Variants in GRM5 observed in about 807,000 individuals in gnomAD.
GRM5 encodes the protein glutamate metabotropic receptor 5, also known as metabotropic glutamate receptor 5.
A neutral mutation model predicts 83.1 loss-of-function variants in GRM5; 19 were observed. That is an observed-to-expected ratio of 0.23 (90% confidence interval 0.16 to 0.34). The LOEUF is 0.34. Ranked by LOEUF, GRM5 falls within the 10% of genes least tolerant of loss-of-function variation. The probability of loss-of-function intolerance (pLI) is 1.00; values close to 1 mark genes in which losing one functional copy is unlikely to be tolerated. For missense variants in GRM5, 1,160 were observed against 1,588.3 expected (o/e 0.73, Z 4.58); for synonymous variants, 675 against 633.6 (o/e 1.07, Z -0.98).
At chr11:89,048,695 G>T (rs1170336067) in intron 1 of GRM5, among the ~76,000 whole-genome samples, 1 of 152,150 alleles carries the variant, frequency 6.6e-6, no homozygotes, top group Non-Finnish European at 1.5e-5. Context: ...ATGAAGAAAG[G>T]TGGGTGTTTC....
chr11:88,844,399 T>C (rs946770700), intron 3 of GRM5, among the ~76,000 whole-genome samples: 3 of 151,566 alleles, frequency 2.0e-5, no homozygotes, highest in Non-Finnish European at 4.4e-5. Context: ...CATATATATA[T>C]ATACAAAAAT....
At chr11:88,806,479 G>A (rs184915948) in intron 3 of GRM5, among the ~76,000 whole-genome samples, 2 of 152,114 alleles carry the variant, frequency 1.3e-5, no homozygotes, top group Non-Finnish European at 2.9e-5. Context: ...ATTAACAAAT[G>A]AGTTCGAATT....
At chr11:88,980,477 T>G (rs1025462579) in intron 2 of GRM5, among the ~76,000 whole-genome samples, 9 of 152,088 alleles carry the variant, frequency 5.9e-5, no homozygotes, top group African/African-American at 2.2e-4. Flanking sequence ...AAAAGTTAGT[T>G]TAATTAAATA....
intron 4 of GRM5, among the ~76,000 whole-genome samples, chr11:88,610,502 T>C (rs1204743515): frequency 1.3e-5 from 2 of 152,210 alleles, no homozygotes; most frequent in African/African-American, 4.8e-5. Context: ...ATTGTGTTCT[T>C]GATTTTGCTC....
intron 2 of GRM5, among the ~76,000 whole-genome samples, chr11:88,884,222 C>T (rs1364346366): frequency 6.6e-6 from 1 of 152,198 alleles, no homozygotes; most frequent in Non-Finnish European, 1.5e-5. Flanking sequence ...CATAGGAACC[C>T]ACCTCTTGCA....
At chr11:88,786,381 T>A (rs1943068599) in intron 3 of GRM5, among the ~76,000 whole-genome samples, 1 of 152,160 alleles carries the variant, frequency 6.6e-6, no homozygotes, top group African/African-American at 2.4e-5. Context: ...ATGCATTGCT[T>A]TGCCATGACT....
chr11:88,789,095 T>G (rs1225464864), intron 3 of GRM5, among the ~76,000 whole-genome samples: 1 of 152,162 alleles, frequency 6.6e-6, no homozygotes, highest in Non-Finnish European at 1.5e-5. Context: ...GGCTAAAAAT[T>G]AGGAGAATCG....
Position 88,560,734 on chromosome 11 carries a change from A to G in GRM5, c.2630+6319T>C, listed in dbSNP as rs1942735631. On this transcript the variant is annotated intron_variant, in intron 8 of 9. Coordinates refer to ENST00000305447, the MANE Select transcript of GRM5 (RefSeq NM_001143831.3). The stretch of plus-strand genomic sequence containing the variant: ...ATCACTGCATGGCAAGCACTGTGCT[A>G]GGCACCAAGGGAGATATAAATACGC... Among the ~76,000 whole-genome samples the G allele has an allele frequency of 6.6e-5, 10 of 152,256 alleles. No individual in the cohort carries two copies. In the South Asian group the frequency reaches 2.1e-3, roughly 32 times the overall value.
chr11:88,967,834 A>G (rs969600414), intron 2 of GRM5, among the ~76,000 whole-genome samples: 2 of 152,118 alleles, frequency 1.3e-5, no homozygotes, highest in African/African-American at 4.8e-5. Context: ...GGCAGCTTCT[A>G]TGGAAGATGC....
intron 3 of GRM5, among the ~76,000 whole-genome samples, chr11:88,844,854 C>G (rs771752164): frequency 6.6e-6 from 1 of 152,098 alleles, no homozygotes; most frequent in South Asian, 2.1e-4. Context: ...AAAGTGAGTT[C>G]AAAGATGGGA....
intron 3 of GRM5, among the ~76,000 whole-genome samples, chr11:88,696,859 C>T (rs913537856): frequency 6.6e-6 from 1 of 152,146 alleles, no homozygotes; most frequent in African/African-American, 2.4e-5. Flanking sequence ...GATAACTTAT[C>T]ACTAAACTCC....
intron 3 of GRM5, among the ~76,000 whole-genome samples, chr11:88,743,894 A>G (rs1321723798): frequency 6.6e-6 from 1 of 152,170 alleles, no homozygotes; most frequent in Non-Finnish European, 1.5e-5. Flanking sequence ...AAGTAATTGC[A>G]GTTAATTGTC....
intron 3 of GRM5, among the ~76,000 whole-genome samples, chr11:88,800,406 T>C (rs1456871695): frequency 3.9e-5 from 5 of 129,530 alleles, no homozygotes; most frequent in Admixed American, 7.5e-5. Flanking sequence ...TTCATGGTTC[T>C]ACAGTACTTA....
chr11:88,941,040 C>A (rs549524677), intron 2 of GRM5, among the ~76,000 whole-genome samples: 1 of 152,014 alleles, frequency 6.6e-6, no homozygotes, highest in Admixed American at 6.6e-5. Context: ...GCAATAAACA[C>A]TCCAAACTTA....
At chr11:89,062,179 G>T (rs1405514458) in intron 1 of GRM5, among the ~76,000 whole-genome samples, 8 of 152,158 alleles carry the variant, frequency 5.3e-5, no homozygotes, top group Non-Finnish European at 4.4e-5. Flanking sequence ...AGCCACAATT[G>T]ATTCTTACAT....
intron 3 of GRM5, among the ~76,000 whole-genome samples, chr11:88,735,807 C>T (rs1301463048): frequency 6.6e-6 from 1 of 152,000 alleles, no homozygotes; most frequent in African/African-American, 2.4e-5. Flanking sequence ...TTAATACTGT[C>T]CTTCACACTA....
At chr11:88,559,859 G>A (rs1942714667) in intron 8 of GRM5, among the ~76,000 whole-genome samples, 1 of 152,098 alleles carries the variant, frequency 6.6e-6, no homozygotes, top group South Asian at 2.1e-4. Flanking sequence ...TTCTAACGTG[G>A]GATGATAAAT....
intron 8 of GRM5, among the ~76,000 whole-genome samples, chr11:88,538,983 A>AT (rs567497832): frequency 9.2e-5 from 14 of 152,128 alleles, no homozygotes; most frequent in South Asian, 8.3e-4. Context: ...AAACCTTATC[A>AT]TTTTTTTTCC....
chr11:88,701,725 G>C (rs1487132213), intron 3 of GRM5, among the ~76,000 whole-genome samples: 2 of 152,072 alleles, frequency 1.3e-5, no homozygotes, highest in African/African-American at 4.8e-5. Flanking sequence ...TGAAGCAGGG[G>C]CTTACAGGTC....
Sources: allele counts gnomAD v4.1 joint callset (sites outside exome capture counted in the v4.1 genomes callset), GRCh38; gene constraint gnomAD v4.1.1; transcripts MANE v1.5; gene names NCBI Gene and HGNC (gene_info 2026-07-23, HGNC 2026-07-21).